Variants in AFF2 observed in about 807,000 individuals in gnomAD.
AFF2 encodes the protein ALF transcription elongation factor 2.
A neutral mutation model predicts 76.9 loss-of-function variants in AFF2; 14 were observed. That is an observed-to-expected ratio of 0.18 (90% CI 0.12 to 0.28). The LOEUF (loss-of-function observed/expected upper bound fraction) is 0.28. Among genes scored for constraint, AFF2 ranks in the 10% least tolerant of loss-of-function variants. AFF2 has a pLI of 1.00. For missense variants in AFF2, 868 were observed against 1,001.1 expected (o/e 0.87, Z 1.79); for synonymous variants, 398 against 366.7 (o/e 1.09, Z -0.98).
chrX:148,877,239 C>A (rs1251175495), intron 7 of AFF2, among the ~76,000 whole-genome samples: 1 of 112,196 alleles, frequency 8.9e-6, no homozygotes, highest in African/African-American at 3.2e-5. Flanking sequence ...ATTAGCCAGG[C>A]CTTGGCCTTG....
At chrX:148,693,166 C>T (rs976233789) in intron 3 of AFF2, among the ~76,000 whole-genome samples, 3 of 111,334 alleles carry the variant, frequency 2.7e-5, no homozygotes, top group African/African-American at 9.8e-5. Context: ...ATCCACCCGC[C>T]TCGACCTCCC....
intron 4 of AFF2, among the ~76,000 whole-genome samples, chrX:148,823,131 T>A (rs1557272686): frequency 9.0e-6 from 1 of 111,647 alleles, no homozygotes; most frequent in East Asian, 2.8e-4. Flanking sequence ...ACCTGGAGAA[T>A]CCACCCTGAT....
At chrX:148,699,360 A>G (rs2054759528) in intron 3 of AFF2, among the ~76,000 whole-genome samples, 1 of 112,527 alleles carries the variant, frequency 8.9e-6, no homozygotes, top group African/African-American at 3.2e-5. Flanking sequence ...CGCCCCTGCC[A>G]GTCAGATTCC....
chrX:148,766,827 T>A (rs1461080910), intron 3 of AFF2, among the ~76,000 whole-genome samples: 2 of 112,124 alleles, frequency 1.8e-5, no homozygotes, highest in Non-Finnish European at 3.8e-5. Flanking sequence ...GTCAGATTTC[T>A]TGTTGATTTA....
intron 7 of AFF2, among the ~76,000 whole-genome samples, chrX:148,878,575 A>G (rs1430564721): frequency 8.9e-6 from 1 of 112,218 alleles, no homozygotes; most frequent in Non-Finnish European, 1.9e-5. Context: ...CATATCACCC[A>G]GTATGACTCA....
chrX:148,727,460 G>A (rs1490701349), intron 3 of AFF2, among the ~76,000 whole-genome samples: 1 of 111,319 alleles, frequency 9.0e-6, no homozygotes. Context: ...ATGGGAAATT[G>A]GCTTATACAT....
chrX:148,591,146 C>T (rs1334787791), intron 1 of AFF2, among the ~76,000 whole-genome samples: 1 of 112,363 alleles, frequency 8.9e-6, no homozygotes, highest in African/African-American at 3.2e-5. Flanking sequence ...TGCTGTGCTG[C>T]TGTCATTGGT....
In AFF2 at chrX:148,888,680, TAAG is replaced by T. The variant is rs782012168; in HGVS notation, c.1359+2696_1359+2698del. Among the ~76,000 whole-genome samples, 120 of 111,852 alleles carry T rather than the reference TAAG, an allele frequency of 1.1e-3. 1 individual carries two copies. Among genetic ancestry groups the T allele is most frequent in the African/African-American group, 3.7e-3 (115 of 30,805 alleles). ...GACAGTCATACCTCCAGCACCATCATAAGGAGGAGTACTGAGACTACCATTTTT... is the reference window on the plus strand; with the variant it reads ...GACAGTCATACCTCCAGCACCATCATGAGGAGTACTGAGACTACCATTTTT... On this transcript the variant is annotated intron_variant, in intron 8 of 20. Transcript: ENST00000370460.
chrX:148,639,022 T>G (rs1361258656), intron 1 of AFF2, among the ~76,000 whole-genome samples: 1 of 111,995 alleles, frequency 8.9e-6, no homozygotes, highest in Non-Finnish European at 1.9e-5. Flanking sequence ...ACTCAGACAA[T>G]CTGCATTCAT....
At chrX:148,786,745 C>G (rs1557269548) in intron 3 of AFF2, among the ~76,000 whole-genome samples, 1 of 111,752 alleles carries the variant, frequency 8.9e-6, no homozygotes, top group East Asian at 2.8e-4. Context: ...TTTGGGGGAA[C>G]TCAACTGAAC....
chrX:148,664,091 C>T (rs2054334694), intron 3 of AFF2, among the ~76,000 whole-genome samples: 1 of 111,339 alleles, frequency 9.0e-6, no homozygotes, highest in Non-Finnish European at 1.9e-5. Context: ...GAGAGCCCCT[C>T]TTGACTGGTC....
chrX:148,926,330 A>G (rs1366580847), intron 9 of AFF2, among the ~76,000 whole-genome samples: 2 of 112,165 alleles, frequency 1.8e-5, no homozygotes, highest in Non-Finnish European at 3.8e-5. Context: ...TTTTGCCAAG[A>G]GCGACCTAAA....
At chrX:148,650,366 G>A (rs1001710859) in intron 1 of AFF2, among the ~76,000 whole-genome samples, 1 of 111,450 alleles carries the variant, frequency 9.0e-6, no homozygotes, top group South Asian at 3.8e-4. Flanking sequence ...ACAAATAATA[G>A]CCTGGCTTCC....
intron 3 of AFF2, among the ~76,000 whole-genome samples, chrX:148,775,984 T>C (rs1210275107): frequency 9.0e-6 from 1 of 110,742 alleles, no homozygotes; most frequent in Non-Finnish European, 1.9e-5. Context: ...ACATTAGGTA[T>C]TTCTCCTGAT....
intron 1 of AFF2, among the ~76,000 whole-genome samples, chrX:148,581,946 G>A (rs1161879406): frequency 1.8e-5 from 2 of 111,639 alleles, no homozygotes; most frequent in Admixed American, 1.9e-4. Context: ...ATGGTGCATT[G>A]GGTTATTATG....
intron 3 of AFF2, among the ~76,000 whole-genome samples, chrX:148,733,628 A>G (rs781791692): frequency 3.6e-5 from 4 of 112,064 alleles, no homozygotes; most frequent in South Asian, 7.5e-4. Flanking sequence ...AGCAAAAGCC[A>G]TACTTTCTGA....
chrX:148,980,848 A>C, intron 19 of AFF2, 58 bp downstream of exon 19: 1 of 897,608 alleles, frequency 1.1e-6, no homozygotes, highest in Non-Finnish European at 1.6e-6. Flanking sequence ...TAGACCCCAG[A>C]TATTTTGCAT....
At chrX:148,843,621 G>T (rs1290929061) in intron 7 of AFF2, among the ~76,000 whole-genome samples, 188 bp downstream of exon 7, 1 of 111,534 alleles carries the variant, frequency 9.0e-6, no homozygotes, top group African/African-American at 3.3e-5. Context: ...TACTTGGACT[G>T]CTATAACAAA....
intron 9 of AFF2, among the ~76,000 whole-genome samples, chrX:148,935,865 A>T (rs1033861621): frequency 1.7e-5 from 1 of 58,186 alleles, no homozygotes; most frequent in Non-Finnish European, 3.2e-5. Flanking sequence ...TATTTTTTAT[A>T]CTTTAGGTTT....
Sources: gnomAD v4.1 joint callset for allele counts (sites outside exome capture counted in the v4.1 genomes callset) on GRCh38, gnomAD v4.1.1 for gene constraint, MANE v1.5 for transcripts, NCBI Gene and HGNC (gene_info 2026-07-23, HGNC 2026-07-21) for gene names.